The following USP3 variants were observed in gnomAD, a reference collection of about 807,000 sequenced individuals.
The protein encoded by USP3 is ubiquitin specific peptidase 3, also known as ubiquitin carboxyl-terminal hydrolase 3.
In USP3, 20 loss-of-function variants were observed where a neutral mutation model predicts 72.3. The observed-to-expected ratio is 0.28, with a 90% confidence interval of 0.19 to 0.40. USP3 has a LOEUF of 0.40. Ranked by LOEUF, USP3 falls within the 10% of genes least tolerant of loss-of-function variation. The pLI is 1.00. For synonymous variants in USP3, 222 were observed against 225.3 expected (o/e 0.99, Z 0.13); for missense variants, 479 against 633.9 (o/e 0.76, Z 2.62).
rs749829925 is a variant in USP3, at chr15:63,593,439, G to A, written c.*2613G>A. 11 of 152,192 alleles carry A rather than the reference G, an allele frequency of 7.2e-5. No individual in the cohort carries two copies. The highest frequency in any genetic ancestry group is 2.2e-4 in the African/African-American group (9 of 41,430). 9.4% of individuals were successfully genotyped at this position (152,192 alleles called of 1,614,324 possible). Reference sequence around the variant, plus strand: ...TCTCTGAATGGGCAGCTGTTAAACAGTAAAGGCCTGGGCAGAGTTGATGGT... The same window carrying A: ...TCTCTGAATGGGCAGCTGTTAAACAATAAAGGCCTGGGCAGAGTTGATGGT... On this transcript the variant is annotated 3_prime_UTR_variant, in exon 15 of 15. Transcript: ENST00000380324.
chr15:63,569,175 T>C (rs1402045397), intron 8 of USP3, among the ~76,000 whole-genome samples: 3 of 152,222 alleles, frequency 2.0e-5, no homozygotes, highest in African/African-American at 4.8e-5. Context: ...CTTTGAGTCA[T>C]GAAAATAATG....
At position 63,576,293 on chromosome 15, in the gene USP3, G is replaced by C. The variant is rs985571356; in HGVS notation, c.1096+1890G>C. Among the ~76,000 whole-genome samples the C allele has an allele frequency of 3.3e-5, 5 of 152,058 alleles. No individual in the cohort carries two copies. The East Asian group carries it at 9.6e-4, about 29-fold the overall frequency. ...TGAGCCACCGCACCCAGCCTGAACA[G>C]TACTTTCTGATGTTTAACAAAACTT... On this transcript the variant is annotated intron_variant, in intron 11 of 14. Coordinates refer to ENST00000380324, the MANE Select transcript of USP3 (RefSeq NM_006537.4).
intron 9 of USP3, among the ~76,000 whole-genome samples, chr15:63,572,766 A>G (rs2066800243): frequency 6.6e-6 from 1 of 152,254 alleles, no homozygotes; most frequent in Admixed American, 6.5e-5. Flanking sequence ...TATTGGCTCA[A>G]GTAACTCCGT....
In USP3 at chr15:63,543,421, T is replaced by G. The variant is rs1399895410; in HGVS notation, c.284+6265T>G. On this transcript the variant is annotated intron_variant, in intron 3 of 14. Transcript: ENST00000380324. ...TGTACTGGCAGTATGGGAAGAGCGT[T>G]TAGAACACTGTACCTTTTTATTTGG... Among the ~76,000 whole-genome samples, 6 of 152,160 alleles carry G rather than the reference T, an allele frequency of 3.9e-5. No homozygotes were observed. The East Asian group carries it at 1.2e-3, about 29-fold the overall frequency.
rs199877124 is a variant in USP3, at chr15:63,553,711, G to C, written c.285-4G>C. The C allele has an allele frequency of 2.2e-4, 362 of 1,611,584 alleles. 2 individuals carry two copies. In the African/African-American group the frequency reaches 4.2e-3, roughly 19 times the overall value. On this transcript the variant is annotated splice_polypyrimidine_tract_variant and splice_region_variant and intron_variant, in intron 3 of 14. Coordinates refer to ENST00000380324, the MANE Select transcript of USP3 (RefSeq NM_006537.4). This position sits in a 1 kb window ranked among gnomAD's most constrained non-coding sequence, Gnocchi z 4.2. ...ACACACATTGATTAATATTTTCCTTGCAGTTATCGCTGTGATGATTTTGTG... is the reference window on the plus strand; with the variant it reads ...ACACACATTGATTAATATTTTCCTTCCAGTTATCGCTGTGATGATTTTGTG...
chr15:63,526,989 G>A (rs549617176), intron 1 of USP3, among the ~76,000 whole-genome samples: 4 of 152,186 alleles, frequency 2.6e-5, no homozygotes, highest in Non-Finnish European at 1.5e-5. Context: ...TGACTTCCTG[G>A]GCTCACGGGA....
At chr15:63,525,448 G>C (rs761416801) in intron 1 of USP3, among the ~76,000 whole-genome samples, 1 of 152,228 alleles carries the variant, frequency 6.6e-6, no homozygotes, top group Non-Finnish European at 1.5e-5. Context: ...GAGCAGCATT[G>C]TTGGGGCTGG....
At chr15:63,565,028 T>C (rs889090732) in intron 8 of USP3, among the ~76,000 whole-genome samples, 1 of 152,164 alleles carries the variant, frequency 6.6e-6, no homozygotes, top group African/African-American at 2.4e-5. Context: ...TGAATCTTGA[T>C]TTATGTTTAT....
intron 11 of USP3, among the ~76,000 whole-genome samples, chr15:63,576,539 A>C (rs1244650389): frequency 6.6e-6 from 1 of 152,214 alleles, no homozygotes; most frequent in East Asian, 1.9e-4. Context: ...AGGAGAGTGC[A>C]TGACACAGCT....
chr15:63,526,249 T>TA (rs1369402679), intron 1 of USP3, among the ~76,000 whole-genome samples: 1 of 152,230 alleles, frequency 6.6e-6, no homozygotes, highest in Non-Finnish European at 1.5e-5. Flanking sequence ...GTTATCTTTT[T>TA]AAAACAAAAG....
At chr15:63,559,034 C>G (rs976228075) in intron 6 of USP3, among the ~76,000 whole-genome samples, 7 of 152,150 alleles carry the variant, frequency 4.6e-5, no homozygotes, top group African/African-American at 1.7e-4. Flanking sequence ...TTATTTCAGT[C>G]ATTAGTTAAG....
chr15:63,567,507 C>T (rs1198256452), intron 8 of USP3, among the ~76,000 whole-genome samples: 6 of 152,186 alleles, frequency 3.9e-5, no homozygotes, highest in South Asian at 2.1e-4. Context: ...CAACCACGCC[C>T]GGCTAATTTT....
rs910407259 is a variant in USP3, at chr15:63,570,643, G to A, written c.908+64G>A. 88 of 1,545,450 alleles carry A rather than the reference G, an allele frequency of 5.7e-5. No individual in the cohort carries two copies. The highest frequency in any genetic ancestry group is 7.1e-5 in the Non-Finnish European group (81 of 1,148,406). ...AGACATTTCTTTTGGTGTTAATTAT[G>A]TGTTAGATTTATAACGGAAGGTAGA... On this transcript the variant is annotated intron_variant, in intron 9 of 14. Transcript: ENST00000380324. The surrounding 1 kb of genome is among the most constrained non-coding windows in gnomAD (Gnocchi z 4.4).
chr15:63,530,142 A>G (rs575763837), intron 1 of USP3, among the ~76,000 whole-genome samples: 1 of 152,246 alleles, frequency 6.6e-6, no homozygotes, highest in South Asian at 2.1e-4. Flanking sequence ...TTCTCAAAAC[A>G]AAACAAAAAC....
At chr15:63,512,889 T>C (rs2065808877) in intron 1 of USP3, among the ~76,000 whole-genome samples, 1 of 152,248 alleles carries the variant, frequency 6.6e-6, no homozygotes, top group Non-Finnish European at 1.5e-5. Flanking sequence ...AAATTTGCAG[T>C]TGTCTTAAGT....
intron 1 of USP3, among the ~76,000 whole-genome samples, chr15:63,521,396 A>G (rs2065919417): frequency 6.6e-6 from 1 of 152,196 alleles, no homozygotes; most frequent in African/African-American, 2.4e-5. Context: ...CACACAAAAA[A>G]ATTAACTTTT....
At chr15:63,541,695 A>T (rs2066247579) in intron 3 of USP3, among the ~76,000 whole-genome samples, 1 of 152,168 alleles carries the variant, frequency 6.6e-6, no homozygotes, top group Admixed American at 6.5e-5. Context: ...TTCCTAAGCA[A>T]ATTCTTTTAG....
At chr15:63,558,789 C>T (rs776335524) in intron 6 of USP3, among the ~76,000 whole-genome samples, 1 of 152,118 alleles carries the variant, frequency 6.6e-6, no homozygotes, top group Non-Finnish European at 1.5e-5. Context: ...GCAGGAGAAT[C>T]GCTTGAACCC....
chr15:63,519,846 T>C (rs2065895889), intron 1 of USP3, among the ~76,000 whole-genome samples: 2 of 151,884 alleles, frequency 1.3e-5, no homozygotes. Flanking sequence ...TGCTTACTTA[T>C]CTTAATAAGC....
Sources: gnomAD v4.1 joint callset for allele counts (sites outside exome capture counted in the v4.1 genomes callset) on GRCh38, gnomAD v4.1.1 for gene constraint, Gnocchi (gnomAD v3.1) non-coding constraint, MANE v1.5 for transcripts, NCBI Gene and HGNC (gene_info 2026-07-23, HGNC 2026-07-21) for gene names.